Variants in TJP1 observed in about 807,000 individuals in gnomAD.
TJP1 encodes tight junction protein ZO-1.
Under a neutral mutation model 194.2 loss-of-function variants are expected in TJP1, and 43 were observed. The ratio of observed to expected loss-of-function variants is 0.22; its 90% confidence interval spans 0.17 to 0.29. The LOEUF is 0.29. Ranked by LOEUF, TJP1 falls within the 10% of genes least tolerant of loss-of-function variation. TJP1 has a pLI of 1.00. For missense variants in TJP1, 1,971 were observed against 2,185.7 expected (o/e 0.90, Z 1.96); for synonymous variants, 801 against 779.0 (o/e 1.03, Z -0.47).
intron 2 of TJP1, among the ~76,000 whole-genome samples, chr15:29,938,754 C>T (rs1238337679): frequency 6.6e-6 from 1 of 152,202 alleles, no homozygotes; most frequent in Non-Finnish European, 1.5e-5. Context: ...ACTTTCATCT[C>T]CACATTAAAG....
chr15:29,911,512 G>A (rs1316335894), intron 2 of TJP1, among the ~76,000 whole-genome samples: 1 of 152,174 alleles, frequency 6.6e-6, no homozygotes, highest in East Asian at 1.9e-4. Context: ...GAGGTCTCAG[G>A]AAATTTACAA....
intron 2 of TJP1, among the ~76,000 whole-genome samples, chr15:29,839,833 G>A (rs186688061): frequency 2.0e-5 from 3 of 152,298 alleles, no homozygotes; most frequent in East Asian, 3.9e-4. Flanking sequence ...TTGTTTTCCA[G>A]TGTGGCTGTC....
chr15:29,745,488 T>C (rs1427926043), intron 8 of TJP1, among the ~76,000 whole-genome samples: 1 of 152,186 alleles, frequency 6.6e-6, no homozygotes, highest in Non-Finnish European at 1.5e-5. Flanking sequence ...GGGAAGCCTT[T>C]GCAAGTAGGA....
chr15:29,955,221 A>T (rs1246602118), intron 2 of TJP1, among the ~76,000 whole-genome samples: 1 of 152,250 alleles, frequency 6.6e-6, no homozygotes, highest in Non-Finnish European at 1.5e-5. Flanking sequence ...TGGTACCTTT[A>T]TCATTCAAAA....
chr15:29,818,777 A>G (rs2050118667), intron 1 of TJP1, among the ~76,000 whole-genome samples: 1 of 146,404 alleles, frequency 6.8e-6, no homozygotes, highest in African/African-American at 2.6e-5. Context: ...TGGCCTCACA[A>G]AGTGCTGGGA....
intron 8 of TJP1, among the ~76,000 whole-genome samples, chr15:29,749,106 G>A (rs1242764587): frequency 5.3e-5 from 8 of 151,312 alleles, no homozygotes; most frequent in African/African-American, 1.9e-4. Flanking sequence ...CCTCTTATGG[G>A]CACTTTTGCT....
At chr15:29,826,597 C>G (rs117152331), upstream of TJP1, among the ~76,000 whole-genome samples, 22 of 152,204 alleles carry the variant, frequency 1.4e-4, no homozygotes, top group African/African-American at 5.3e-4. Flanking sequence ...CATCTTCCCC[C>G]CAAGGGTTAT....
At chr15:29,937,981 T>C (rs1358692990) in intron 2 of TJP1, among the ~76,000 whole-genome samples, 1 of 152,354 alleles carries the variant, frequency 6.6e-6, no homozygotes, top group East Asian at 1.9e-4. Context: ...CTTAACATAC[T>C]CAAGAGGAAA....
intron 1 of TJP1, among the ~76,000 whole-genome samples, chr15:29,963,543 ATATACT>A (rs2152324053): frequency 6.6e-6 from 1 of 152,360 alleles, no homozygotes; most frequent in South Asian, 2.1e-4. Context: ...ACTTGAATGA[ATATACT>A]GATAGTGCAT....
chr15:29,958,027 C>T (rs1489016988), intron 1 of TJP1, among the ~76,000 whole-genome samples: 1 of 152,178 alleles, frequency 6.6e-6, no homozygotes, highest in Non-Finnish European at 1.5e-5. Context: ...CCACCTTGAA[C>T]ATGGACTTGT....
At chr15:29,864,159 C>G (rs562565275) in intron 2 of TJP1, among the ~76,000 whole-genome samples, 4 of 146,616 alleles carry the variant, frequency 2.7e-5, no homozygotes, top group Non-Finnish European at 5.9e-5. Context: ...TTCGGGAGGC[C>G]GAGGCGGGTG....
intron 1 of TJP1, among the ~76,000 whole-genome samples, chr15:29,960,749 A>G (rs1036881802): frequency 6.6e-6 from 1 of 152,174 alleles, no homozygotes; most frequent in Non-Finnish European, 1.5e-5. Context: ...ACCTTGTCTA[A>G]GAATTTAACC....
intron 2 of TJP1, among the ~76,000 whole-genome samples, chr15:29,794,238 T>C (rs1036599838): frequency 2.0e-5 from 3 of 152,202 alleles, no homozygotes; most frequent in Non-Finnish European, 4.4e-5. Flanking sequence ...GACTTTGATT[T>C]TGTCATAGTC....
chr15:29,727,926 T>A lies in TJP1; in HGVS notation c.2100+11A>T, dbSNP rs1359643193. The A allele has an allele frequency of 3.1e-6, 5 of 1,610,938 alleles. No individual in the cohort carries two copies. The South Asian group carries it at 5.5e-5, about 18-fold the overall frequency. On this transcript the variant is annotated intron_variant, in intron 16 of 27. Transcript: ENST00000614355. Reference sequence around the variant, plus strand: ...TAACATAATGAAATGGGTCAAGTTTTAATAACTTACTTGATCTATGATTTG... The same window carrying A: ...TAACATAATGAAATGGGTCAAGTTTAAATAACTTACTTGATCTATGATTTG...
intron 1 of TJP1, among the ~76,000 whole-genome samples, chr15:29,803,389 G>C (rs556265305): frequency 6.6e-6 from 1 of 152,108 alleles, no homozygotes; most frequent in South Asian, 2.1e-4. Context: ...ACTTTATTGT[G>C]AAGTAAGCTT....
chr15:29,873,150 G>T (rs935928182), intron 2 of TJP1, among the ~76,000 whole-genome samples: 2 of 152,346 alleles, frequency 1.3e-5, no homozygotes, highest in Admixed American at 6.5e-5. Flanking sequence ...AAGGCCTGCT[G>T]TGGGTGAAGG....
chr15:29,947,147 C>T (rs1175357739), intron 2 of TJP1, among the ~76,000 whole-genome samples: 1 of 152,152 alleles, frequency 6.6e-6, no homozygotes, highest in Admixed American at 6.5e-5. Flanking sequence ...TTAATAAAGT[C>T]TCACTTCATG....
At chr15:29,943,381 G>T (rs1046905683) in intron 2 of TJP1, among the ~76,000 whole-genome samples, 5 of 152,164 alleles carry the variant, frequency 3.3e-5, no homozygotes, top group African/African-American at 1.2e-4. Flanking sequence ...TGTAATCCCA[G>T]CACTTTGGGA....
At chr15:29,709,088 G>A (rs369716149) in intron 24 of TJP1, 52 bp from the exon 25 acceptor site, 28 of 1,519,154 alleles carry the variant, frequency 1.8e-5, no homozygotes, top group Non-Finnish European at 2.5e-5. Flanking sequence ...AGTTATAATA[G>A]CCCTGTCCCA....
Sources: allele counts gnomAD v4.1 joint callset (sites outside exome capture counted in the v4.1 genomes callset), GRCh38; gene constraint gnomAD v4.1.1; transcripts MANE v1.5; gene names NCBI Gene and HGNC (gene_info 2026-07-23, HGNC 2026-07-21).